Variants in SNX29 observed in about 807,000 individuals in gnomAD.
SNX29 encodes the protein sorting nexin-29.
In SNX29, 78 loss-of-function variants were observed where a neutral mutation model predicts 102.1. The ratio of observed to expected loss-of-function variants is 0.76; its 90% CI spans 0.64 to 0.92. SNX29 has a LOEUF of 0.92. SNX29 is among the 40% of genes least tolerant of loss of function. SNX29 has a pLI of 0.00. For missense variants in SNX29, 1,280 were observed against 1,061.7 expected (o/e 1.21, Z -2.86); for synonymous variants, 580 against 414.5 (o/e 1.40, Z -4.85).
intron 16 of SNX29, among the ~76,000 whole-genome samples, chr16:12,362,603 G>A (rs1001409462): frequency 2.0e-5 from 2 of 99,544 alleles, no homozygotes; most frequent in Non-Finnish European, 3.7e-5. Context: ...CCCCCAGGGT[G>A]CTGGACCTCC....
At chr16:12,209,548 C>A (rs2077129578) in intron 14 of SNX29, among the ~76,000 whole-genome samples, 1 of 152,084 alleles carries the variant, frequency 6.6e-6, no homozygotes, top group Non-Finnish European at 1.5e-5. Flanking sequence ...AGCTCGAGAC[C>A]CCTCATTTCT....
rs143963210 is a variant in SNX29, at chr16:12,447,037, C to T, written c.2038-30682C>T. 8.9e-3 allele frequency among the ~76,000 whole-genome samples: 1,352 copies of T among 151,506 alleles called. 5 individuals are homozygous for T. Among genetic ancestry groups the T allele is most frequent in the Middle Eastern group, 0.024 (7 of 290 alleles). On this transcript the variant is annotated intron_variant, in intron 18 of 20. Transcript: ENST00000566228. ...AAAAAATTAGCAGGGTGTGGTGGCA[C>T]GCATCTGTAGTCCCAGCTACTTGGG...
chr16:12,391,692 T>C (rs543902249), intron 16 of SNX29, among the ~76,000 whole-genome samples: 14 of 152,318 alleles, frequency 9.2e-5, no homozygotes, highest in African/African-American at 3.4e-4. Context: ...TCATAGTAAA[T>C]TGCAGATGTC....
At chr16:12,200,320 A>G (rs911130514) in intron 14 of SNX29, among the ~76,000 whole-genome samples, 21 of 152,174 alleles carry the variant, frequency 1.4e-4, no homozygotes, top group African/African-American at 5.1e-4. Context: ...TGCTGCTTCT[A>G]AAATCTCCTA....
At chr16:12,398,670 C>G (rs575870736) in intron 17 of SNX29, among the ~76,000 whole-genome samples, 169 bp downstream of exon 17, 2 of 151,726 alleles carry the variant, frequency 1.3e-5, no homozygotes. Flanking sequence ...GCCTCAGTCT[C>G]GCCCTCAGAT....
chr16:12,528,046 C>T (rs1040328715), intron 20 of SNX29, among the ~76,000 whole-genome samples: 2 of 151,814 alleles, frequency 1.3e-5, no homozygotes, highest in Non-Finnish European at 2.9e-5. Flanking sequence ...AGGATGGTCT[C>T]GATCTCCTGA....
chr16:12,544,459 T>G (rs901022567), intron 20 of SNX29, among the ~76,000 whole-genome samples: 1 of 152,204 alleles, frequency 6.6e-6, no homozygotes, highest in South Asian at 2.1e-4. Flanking sequence ...CCTATCTCAT[T>G]CTGAAGAGGC....
intron 1 of SNX29, among the ~76,000 whole-genome samples, chr16:11,989,310 A>C (rs373527086): frequency 1.3e-5 from 2 of 152,040 alleles, no homozygotes; most frequent in African/African-American, 2.4e-5. Flanking sequence ...TTCTTTGCTC[A>C]TTTATTTTGT....
chr16:12,468,689 C>A (rs2087191352), intron 18 of SNX29, among the ~76,000 whole-genome samples: 1 of 152,040 alleles, frequency 6.6e-6, no homozygotes, highest in Admixed American at 6.5e-5. Flanking sequence ...CCATGATAGC[C>A]CCAGGGCCCA....
chr16:12,491,887 C>A (rs1597591326), intron 19 of SNX29, among the ~76,000 whole-genome samples: 1 of 152,202 alleles, frequency 6.6e-6, no homozygotes, highest in East Asian at 1.9e-4. Context: ...GCATAGTATT[C>A]CGTGGTGTAT....
intron 15 of SNX29, among the ~76,000 whole-genome samples, chr16:12,318,729 A>G (rs1299475715): frequency 1.3e-5 from 2 of 151,782 alleles, no homozygotes; most frequent in African/African-American, 4.8e-5. Flanking sequence ...AACGAGGTAC[A>G]GGGAGAAGGC....
intron 18 of SNX29, among the ~76,000 whole-genome samples, chr16:12,414,264 C>T (rs2084532393): frequency 6.6e-6 from 1 of 152,168 alleles, no homozygotes; most frequent in Non-Finnish European, 1.5e-5. Flanking sequence ...AACACAGCTA[C>T]TCAGCAGACT....
chr16:12,452,449 A>G (rs1199674857), intron 18 of SNX29, among the ~76,000 whole-genome samples: 1 of 42,812 alleles, frequency 2.3e-5, no homozygotes, highest in Admixed American at 2.3e-4. Flanking sequence ...AGAAAGTCAG[A>G]GATCAGAGGC....
intron 18 of SNX29, among the ~76,000 whole-genome samples, chr16:12,454,410 C>G (rs573861134): frequency 6.6e-6 from 1 of 152,336 alleles, no homozygotes; most frequent in South Asian, 2.1e-4. Flanking sequence ...AAATGCGATT[C>G]CTACCTGATG....
intron 8 of SNX29, among the ~76,000 whole-genome samples, chr16:12,056,613 T>C (rs899741805): frequency 6.6e-6 from 1 of 152,218 alleles, no homozygotes; most frequent in African/African-American, 2.4e-5. Flanking sequence ...TGCTGCCCTG[T>C]TGTCTTTAAG....
intron 13 of SNX29, among the ~76,000 whole-genome samples, chr16:12,161,683 C>T (rs2055790214): frequency 6.6e-6 from 1 of 152,118 alleles, no homozygotes; most frequent in Admixed American, 6.5e-5. Context: ...AGCACACTCC[C>T]CCTTGGTCAT....
chr16:12,520,805 G>T (rs2090069564), intron 19 of SNX29, among the ~76,000 whole-genome samples: 1 of 152,132 alleles, frequency 6.6e-6, no homozygotes. Context: ...AGGCGTGGGG[G>T]AGGTTGGGAG....
intron 19 of SNX29, among the ~76,000 whole-genome samples, chr16:12,510,885 C>T (rs940989305): frequency 5.9e-5 from 9 of 152,056 alleles, no homozygotes; most frequent in Non-Finnish European, 8.8e-5. Context: ...TGCCAAGCAC[C>T]GTGGAGGGTA....
intron 20 of SNX29, among the ~76,000 whole-genome samples, chr16:12,540,778 CA>C (rs1351185568): frequency 1.3e-5 from 2 of 152,196 alleles, no homozygotes; most frequent in African/African-American, 4.8e-5. Context: ...CCTAGAGTGT[CA>C]GGTGCTTGAG....
Sources: allele counts gnomAD v4.1 joint callset (sites outside exome capture counted in the v4.1 genomes callset), GRCh38; gene constraint gnomAD v4.1.1; transcripts MANE v1.5; gene names NCBI Gene and HGNC (gene_info 2026-07-23, HGNC 2026-07-21).